ACER3: variants seen among roughly 807,000 people sequenced by gnomAD.
ACER3 encodes alkCDase 3.
ACER3 carries 16 observed loss-of-function variants against 48.9 expected under a neutral mutation model. The observed-to-expected ratio is 0.33, with a 90% confidence interval of 0.22 to 0.50. The LOEUF is 0.50. ACER3 is among the 20% of genes least tolerant of loss of function. The pLI, the probability that ACER3 is intolerant of heterozygous loss-of-function variation, is 0.98. For missense variants in ACER3, 227 were observed against 326.0 expected, an observed-to-expected ratio of 0.70 and a Z score of 2.34; for synonymous variants, 109 against 107.8, an observed-to-expected ratio of 1.01 and a Z score of -0.07.
At chr11:76,895,905 A>G (rs1280616541) in intron 1 of ACER3, among the ~76,000 whole-genome samples, 1 of 152,196 alleles carries the variant, frequency 6.6e-6, no homozygotes, top group Non-Finnish European at 1.5e-5. Context: ...TATATAGCCA[A>G]CAAAAGGATT....
intron 4 of ACER3, among the ~76,000 whole-genome samples, chr11:76,977,892 CGCTCCCA>C (rs1449995787): frequency 6.6e-6 from 1 of 152,214 alleles, no homozygotes; most frequent in Non-Finnish European, 1.5e-5. Flanking sequence ...GGCTTCTCTC[CGCTCCCA>C]GCTCCCACTC....
chr11:76,978,858 C>T (rs990852777), intron 4 of ACER3, among the ~76,000 whole-genome samples: 12 of 152,190 alleles, frequency 7.9e-5, no homozygotes, highest in Admixed American at 2.6e-4. Flanking sequence ...AAGATGCTTA[C>T]GGTGTATCTG....
At chr11:76,997,080 T>C (rs1329020267) in intron 6 of ACER3, among the ~76,000 whole-genome samples, 1 of 152,218 alleles carries the variant, frequency 6.6e-6, no homozygotes, top group Non-Finnish European at 1.5e-5. Context: ...AGGCCAGATT[T>C]GACCTCTGGT....
chr11:77,019,847 G>A, intron 10 of ACER3, 71 bp downstream of exon 10: 1 of 1,503,330 alleles, frequency 6.7e-7, no homozygotes, highest in Middle Eastern at 1.7e-4. Context: ...GGAGGTGGAA[G>A]AAGAAAGGGG....
At chr11:76,911,154 G>A (rs1433689037) in intron 1 of ACER3, among the ~76,000 whole-genome samples, 1 of 152,106 alleles carries the variant, frequency 6.6e-6, no homozygotes, top group Non-Finnish European at 1.5e-5. Flanking sequence ...TAAAAGAATG[G>A]CTTCTCCAAG....
At chr11:76,939,464 T>G (rs934393439) in intron 2 of ACER3, among the ~76,000 whole-genome samples, 1 of 152,180 alleles carries the variant, frequency 6.6e-6, no homozygotes, top group African/African-American at 2.4e-5. Context: ...GGCATGGTGG[T>G]GCATGCCTGT....
At chr11:76,927,239 A>C (rs1946853607) in intron 2 of ACER3, among the ~76,000 whole-genome samples, 1 of 152,148 alleles carries the variant, frequency 6.6e-6, no homozygotes, top group South Asian at 2.1e-4. Context: ...CTTGTCTGTG[A>C]GGTGGAGGAC....
intron 1 of ACER3, among the ~76,000 whole-genome samples, chr11:76,866,576 G>A (rs1054481966): frequency 1.3e-5 from 2 of 152,200 alleles, no homozygotes; most frequent in Admixed American, 6.5e-5. Flanking sequence ...TTTGAATTGT[G>A]TCATTGGGTA....
Position 76,962,995 on chromosome 11 carries a change from T to C in ACER3, c.267+3964T>C, listed in dbSNP as rs1490823988. Among the ~76,000 whole-genome samples, 4 of 151,386 alleles carry C rather than the reference T, an allele frequency of 2.6e-5. 1 individual carries two copies. The highest frequency in any genetic ancestry group is 9.8e-5 in the African/African-American group (4 of 40,656). The stretch of plus-strand genomic sequence containing the variant: ...TGAAAAATCACAGCTACAGGCAAGA[T>C]AGAGCAGCTTGGAGAAAAACTCAGA... On this transcript the variant is annotated intron_variant, in intron 3 of 10. Coordinates refer to ENST00000532485, the MANE Select transcript of ACER3 (RefSeq NM_018367.7).
chr11:76,982,444 T>C (rs1948606358), intron 4 of ACER3, among the ~76,000 whole-genome samples: 1 of 152,254 alleles, frequency 6.6e-6, no homozygotes, highest in African/African-American at 2.4e-5. Flanking sequence ...CTCGATCTCT[T>C]GACCTTGTGA....
intron 5 of ACER3, among the ~76,000 whole-genome samples, chr11:76,987,766 G>A (rs550831270): frequency 1.3e-4 from 20 of 152,108 alleles, no homozygotes; most frequent in Non-Finnish European, 2.6e-4. Flanking sequence ...GTGAGACCTC[G>A]TCTCTACAAA....
intron 6 of ACER3, among the ~76,000 whole-genome samples, chr11:76,997,679 G>GA (rs75579181): frequency 0.71 from 107,752 of 151,594 alleles, 38,692 homozygotes; most frequent in Non-Finnish European, 0.77. Flanking sequence ...ATACTAAAAA[G>GA]AAAAAAAATT....
chr11:76,985,680 C>A lies in ACER3; in HGVS notation c.358C>A (p.His120Asn). ...CAAGATCAAGAACTCAGTAAACTAC[C>A]ATCTGCTTTTTACCTTAGTTCTATT... Reference protein sequence around the residue: ...CFKIKNSVNYHLLFTLVLFSL... With the variant: ...CFKIKNSVNYNLLFTLVLFSL... Residue 120 changes from histidine to asparagine, a missense_variant, in exon 5 of 11, where the codon CAT becomes AAT. Physicochemically the swap from His to Asn is moderately conservative, Grantham distance 68. Around this residue, in one of 3 missense-constraint regions of ACER3, gnomAD observed 195 missense variants for 290.8 expected, o/e 0.67. Coordinates refer to ENST00000532485, the MANE Select transcript of ACER3 (RefSeq NM_018367.7). 1 of 1,568,714 alleles carries A rather than the reference C, an allele frequency of 6.4e-7. No individual in the cohort carries two copies. Among genetic ancestry groups the A allele is most frequent in the Non-Finnish European group, 8.6e-7 (1 of 1,166,036 alleles).
chr11:76,964,905 GTCC>G (rs945724426), intron 3 of ACER3, among the ~76,000 whole-genome samples: 3 of 151,310 alleles, frequency 2.0e-5, no homozygotes, highest in Admixed American at 6.6e-5. Context: ...CAGAGCGCCT[GTCC>G]TCCTCCAAAG....
intron 3 of ACER3, 130 bp from the exon 4 acceptor site, chr11:76,976,159 T>A: frequency 2.8e-6 from 2 of 703,884 alleles, no homozygotes; most frequent in Non-Finnish European, 4.8e-6. Context: ...AGTGCTGGGA[T>A]TACAGGTGTG....
chr11:76,920,004 T>C (rs961857352), intron 1 of ACER3, among the ~76,000 whole-genome samples: 3 of 152,176 alleles, frequency 2.0e-5, no homozygotes, highest in Admixed American at 1.3e-4. Context: ...AATATTTTCC[T>C]TTGACAACTG....
At chr11:76,917,442 G>A (rs1438232664) in intron 1 of ACER3, among the ~76,000 whole-genome samples, 1 of 152,004 alleles carries the variant, frequency 6.6e-6, no homozygotes, top group Non-Finnish European at 1.5e-5. Context: ...GGGCAGCCAC[G>A]GTGGCTCATG....
intron 1 of ACER3, among the ~76,000 whole-genome samples, chr11:76,896,706 T>C (rs898168170): frequency 1.1e-4 from 17 of 152,346 alleles, no homozygotes; most frequent in African/African-American, 4.1e-4. Flanking sequence ...ACTAGTGCTG[T>C]ACCCTCTTTT....
chr11:76,872,533 A>C (rs1945267702), intron 1 of ACER3, among the ~76,000 whole-genome samples: 1 of 152,214 alleles, frequency 6.6e-6, no homozygotes, highest in Non-Finnish European at 1.5e-5. Context: ...AAAGACCTTA[A>C]GAAGTGGTCT....
Sources: allele counts gnomAD v4.1 joint callset (sites outside exome capture counted in the v4.1 genomes callset), GRCh38; gene constraint gnomAD v4.1.1; regional missense constraint gnomAD v4.1.1; transcripts MANE v1.5; gene names NCBI Gene and HGNC (gene_info 2026-07-23, HGNC 2026-07-21).